Variants in SPINK5 observed in about 807,000 individuals in gnomAD.
The protein encoded by SPINK5 is serine protease inhibitor Kazal-type 5.
SPINK5 carries 125 observed loss-of-function variants against 151.8 expected under a neutral mutation model. The observed-to-expected ratio is 0.82, with a 90% CI of 0.71 to 0.96. SPINK5 has a LOEUF of 0.96. Among genes scored for constraint, SPINK5 ranks in the 40% least tolerant of loss-of-function variants. SPINK5 has a pLI of 0.00. For missense variants in SPINK5, 1,194 were observed against 1,291.9 expected (o/e 0.92, Z 1.16); for synonymous variants, 374 against 395.3 (o/e 0.95, Z 0.64).
intron 22 of SPINK5, 29 bp from the exon 23 acceptor site, chr5:148,118,408 A>C (rs781012874): frequency 6.2e-7 from 1 of 1,613,778 alleles, no homozygotes; most frequent in Non-Finnish European, 8.5e-7. Context: ...TAAGTAATCC[A>C]GGGGCTCTTC....
intron 7 of SPINK5, among the ~76,000 whole-genome samples, chr5:148,089,902 G>A (rs745593163): frequency 9.2e-5 from 14 of 151,686 alleles, no homozygotes; most frequent in Non-Finnish European, 1.6e-4. Flanking sequence ...TGTTTTATAA[G>A]GCACAATATT....
intron 29 of SPINK5, 100 bp from the exon 30 acceptor site, chr5:148,126,883 T>G (rs1226326286): frequency 9.8e-7 from 1 of 1,023,784 alleles, no homozygotes; most frequent in African/African-American, 1.6e-5. Context: ...TGAACTACCA[T>G]GCCTGGCCTC....
chr5:148,077,637 G>GTATATA (rs71001472), intron 4 of SPINK5, among the ~76,000 whole-genome samples: 1,849 of 135,004 alleles, frequency 0.014, 58 homozygotes, highest in East Asian at 0.1. Flanking sequence ...GTTTTATCAG[G>GTATATA]TATATATATA....
chr5:148,087,082 A>G (rs1753180664), intron 5 of SPINK5, among the ~76,000 whole-genome samples: 1 of 151,470 alleles, frequency 6.6e-6, no homozygotes, highest in Admixed American at 6.6e-5. Context: ...TTCACAGAGA[A>G]TTATTTCATC....
At chr5:148,077,961 T>C (rs1426373124) in intron 4 of SPINK5, among the ~76,000 whole-genome samples, 1 of 150,912 alleles carries the variant, frequency 6.6e-6, no homozygotes, top group African/African-American at 2.4e-5. Flanking sequence ...AATACAACCA[T>C]AAAAGTGATT....
chr5:148,111,740 TA>T, intron 18 of SPINK5, 27 bp from the exon 19 acceptor site: 1 of 1,613,800 alleles, frequency 6.2e-7, no homozygotes. Flanking sequence ...ATTGGACTCT[TA>T]AAACCTGCTT....
chr5:148,122,785 T>G (rs919198714), intron 26 of SPINK5, among the ~76,000 whole-genome samples: 2 of 152,092 alleles, frequency 1.3e-5, no homozygotes, highest in African/African-American at 4.8e-5. Flanking sequence ...AGAATGGGGA[T>G]GATGCGTATT....
intron 2 of SPINK5, among the ~76,000 whole-genome samples, chr5:148,066,146 G>A (rs1344547471): frequency 6.6e-6 from 1 of 152,146 alleles, no homozygotes; most frequent in Non-Finnish European, 1.5e-5. Flanking sequence ...GTTTACAGCA[G>A]GCCAGACAGA....
At chr5:148,111,508 A>C (rs192815738) in intron 18 of SPINK5, among the ~76,000 whole-genome samples, 42 of 152,220 alleles carry the variant, frequency 2.8e-4, no homozygotes, top group Non-Finnish European at 5.4e-4. Context: ...GAGGCCATAC[A>C]TTTTTCTTCT....
intron 10 of SPINK5, 121 bp from the exon 11 acceptor site, chr5:148,097,746 C>T: frequency 9.1e-7 from 1 of 1,097,896 alleles, no homozygotes; most frequent in Non-Finnish European, 1.3e-6. Context: ...TTTGGATGGT[C>T]CTAAATCTTA....
Position 148,125,500 on chromosome 5 carries a change from T to G in SPINK5, c.2740-223T>G, listed in dbSNP as rs780255977. On this transcript the variant is annotated intron_variant, in intron 28 of 32. Coordinates refer to ENST00000256084, the MANE Select transcript of SPINK5 (RefSeq NM_006846.4). ...AACAGGAAGGTCTATCAAGTGTTGTTTTATGTTTCCCTACATTTTTCAGGA... is the reference window on the plus strand; with the variant it reads ...AACAGGAAGGTCTATCAAGTGTTGTGTTATGTTTCCCTACATTTTTCAGGA... 3 of 1,605,364 alleles carry G rather than the reference T, an allele frequency of 1.9e-6. No individual in the cohort carries two copies. In the East Asian group the frequency reaches 6.7e-5, roughly 36 times the overall value.
At chr5:148,115,931 C>T (rs1754075230) in intron 21 of SPINK5, among the ~76,000 whole-genome samples, 1 of 151,398 alleles carries the variant, frequency 6.6e-6, no homozygotes, top group Non-Finnish European at 1.5e-5. Context: ...AAGTGATTCT[C>T]CTGCCCCAGC....
chr5:148,099,508 A>C (rs1380918795), intron 12 of SPINK5, among the ~76,000 whole-genome samples, 193 bp downstream of exon 12: 1 of 49,150 alleles, frequency 2.0e-5, no homozygotes, highest in South Asian at 8.0e-4. Context: ...CTGCAAAAAA[A>C]AAAAAAAAAA....
intron 15 of SPINK5, among the ~76,000 whole-genome samples, chr5:148,102,707 T>A (rs998680076): frequency 6.6e-6 from 1 of 152,154 alleles, no homozygotes; most frequent in African/African-American, 2.4e-5. Context: ...TTACAATGCA[T>A]GGAAAATTTA....
chr5:148,075,028 T>C (rs1264466944), intron 4 of SPINK5, among the ~76,000 whole-genome samples: 2 of 151,716 alleles, frequency 1.3e-5, no homozygotes, highest in Non-Finnish European at 2.9e-5. Context: ...TACCTACATA[T>C]AACAAGAGTT....
At chr5:148,101,963 T>C (rs1753659691) in intron 15 of SPINK5, 55 bp downstream of exon 15, 4 of 1,611,212 alleles carry the variant, frequency 2.5e-6, no homozygotes, top group East Asian at 2.2e-5. Flanking sequence ...GGAATTTCCA[T>C]GGGAAGTTTT....
At chr5:148,087,582 T>C (rs1438939379) in intron 5 of SPINK5, among the ~76,000 whole-genome samples, 1 of 151,808 alleles carries the variant, frequency 6.6e-6, no homozygotes, top group African/African-American at 2.4e-5. Context: ...AAAACAAACG[T>C]AGATATATGA....
chr5:148,120,279 A>G lies in SPINK5; in HGVS notation c.2442-16A>G, dbSNP rs148657069. ...TTGTTCACTTTGATTGAAATGTTTC[A>G]TTGTTTTCCCCCCAGGGAAAGGGAA... On this transcript the variant is annotated splice_polypyrimidine_tract_variant and intron_variant, in intron 25 of 32. Transcript: ENST00000256084. The G allele has an allele frequency of 5.7e-4, 922 of 1,605,676 alleles. 4 individuals are homozygous for G. The African/African-American group carries it at 0.011, about 19-fold the overall frequency.
At chr5:148,125,987 TGAG>T in intron 29 of SPINK5, 137 bp downstream of exon 29, 1 of 1,290,320 alleles carries the variant, frequency 7.8e-7, no homozygotes, top group South Asian at 1.2e-5. Flanking sequence ...GCCCTCAAAT[TGAG>T]AACACCTGAT....
Sources: gnomAD v4.1 joint callset for allele counts (sites outside exome capture counted in the v4.1 genomes callset) on GRCh38, gnomAD v4.1.1 for gene constraint, MANE v1.5 for transcripts, NCBI Gene and HGNC (gene_info 2026-07-23, HGNC 2026-07-21) for gene names.